ACTR3C: variants seen among roughly 807,000 people sequenced by gnomAD.
ACTR3C encodes the protein actin-related protein 3C.
In ACTR3C, 18 loss-of-function variants were observed where a neutral mutation model predicts 26.3. That is an observed-to-expected ratio of 0.68 (90% CI 0.47 to 1.01). The LOEUF (loss-of-function observed/expected upper bound fraction) is 1.01, where lower values mean the gene tolerates loss of function less well. Among genes scored for constraint, ACTR3C ranks in the 50% least tolerant of loss-of-function variants. The probability of loss-of-function intolerance (pLI) is 0.00; values close to 1 mark genes in which losing one functional copy is unlikely to be tolerated. For synonymous variants in ACTR3C, 55 were observed against 94.5 expected, an observed-to-expected ratio of 0.58 and a Z score of 2.42; for missense variants, 184 against 250.7, an observed-to-expected ratio of 0.73 and a Z score of 1.80.
chr7:150,298,142 C>T (rs1795095105), intron 1 of ACTR3C, among the ~76,000 whole-genome samples: 1 of 150,914 alleles, frequency 6.6e-6, no homozygotes, highest in Admixed American at 6.6e-5. Context: ...GAGGCAAGAA[C>T]ATGTGGCAAT....
chr7:150,152,688 TG>T, the ACTR3C span, among the ~76,000 whole-genome samples: 15 of 152,270 alleles, frequency 9.9e-5, no homozygotes, highest in Non-Finnish European at 2.2e-4. Flanking sequence ...CTTTTTCTGT[TG>T]ATTGGAATTG....
chr7:150,266,008 G>C (rs987087785), intron 6 of ACTR3C, among the ~76,000 whole-genome samples: 1 of 151,288 alleles, frequency 6.6e-6, no homozygotes, highest in Non-Finnish European at 1.5e-5. Context: ...TTAATCTGCT[G>C]TTCCTATTCC....
intron 6 of ACTR3C, among the ~76,000 whole-genome samples, chr7:150,276,117 C>T (rs545840530): frequency 5.3e-5 from 8 of 152,242 alleles, no homozygotes; most frequent in Admixed American, 2.6e-4. Context: ...CCATTATAAA[C>T]GCCACACGTA....
the ACTR3C span, among the ~76,000 whole-genome samples, chr7:150,219,101 A>G: frequency 1.3e-5 from 2 of 150,618 alleles, no homozygotes; most frequent in Non-Finnish European, 2.9e-5. Flanking sequence ...CATAACTCAA[A>G]CAAAACAAGA....
chr7:149,893,855 T>C, the ACTR3C span, among the ~76,000 whole-genome samples: 1 of 152,224 alleles, frequency 6.6e-6, no homozygotes, highest in African/African-American at 2.4e-5. Context: ...TGTGACTTAC[T>C]ACACAAAGTG....
chr7:150,094,472 C>T, the ACTR3C span, among the ~76,000 whole-genome samples: 1 of 150,384 alleles, frequency 6.6e-6, no homozygotes, highest in Non-Finnish European at 1.5e-5. Context: ...TATCTGTTCT[C>T]AACAATGCCA....
chr7:149,889,633 G>A, the ACTR3C span, among the ~76,000 whole-genome samples: 8 of 152,226 alleles, frequency 5.3e-5, no homozygotes, highest in African/African-American at 1.9e-4. Flanking sequence ...ACAAAAGGCT[G>A]GAGAGGATGG....
the ACTR3C span, among the ~76,000 whole-genome samples, chr7:150,012,359 G>A: frequency 2.8e-5 from 4 of 142,994 alleles, no homozygotes; most frequent in Admixed American, 7.2e-5. Flanking sequence ...CTGTCGCCCA[G>A]GCTGGAGTGC....
intron 5 of ACTR3C, 63 bp from the exon 6 acceptor site, chr7:150,284,908 A>G: frequency 1.4e-6 from 2 of 1,453,836 alleles, no homozygotes; most frequent in South Asian, 1.3e-5. Context: ...CAACATGAAC[A>G]CTCCTTTAAA....
At chr7:149,927,486 T>G in the ACTR3C span, among the ~76,000 whole-genome samples, 1 of 151,066 alleles carries the variant, frequency 6.6e-6, no homozygotes, top group Non-Finnish European at 1.5e-5. Context: ...CTCAGCACTT[T>G]GGGACGCCGA....
the ACTR3C span, among the ~76,000 whole-genome samples, chr7:150,022,806 T>C: frequency 3.9e-5 from 6 of 152,118 alleles, no homozygotes; most frequent in South Asian, 2.1e-4. Flanking sequence ...GTTTGGTCCA[T>C]TGATCTACTT....
At chr7:150,141,376 A>C in the ACTR3C span, among the ~76,000 whole-genome samples, 2 of 152,116 alleles carry the variant, frequency 1.3e-5, no homozygotes, top group African/African-American at 2.4e-5. Context: ...TGAGCAAGGG[A>C]GATTCAACCC....
At chr7:150,073,269 A>G in the ACTR3C span, among the ~76,000 whole-genome samples, 1 of 152,234 alleles carries the variant, frequency 6.6e-6, no homozygotes, top group Non-Finnish European at 1.5e-5. Flanking sequence ...CAGAAGACGG[A>G]CAAGTGCTTT....
the ACTR3C span, among the ~76,000 whole-genome samples, chr7:150,102,509 C>A: frequency 1.3e-5 from 2 of 151,974 alleles, no homozygotes; most frequent in African/African-American, 2.4e-5. Context: ...CCTAGAGATA[C>A]GTCTTTGTGA....
At chr7:150,123,945 AG>A in the ACTR3C span, among the ~76,000 whole-genome samples, 22 of 152,246 alleles carry the variant, frequency 1.4e-4, 1 homozygote, top group Middle Eastern at 3.4e-3. Context: ...GGTGTGAGGG[AG>A]GGGCCCAGTG....
chr7:150,083,765 T>G, the ACTR3C span, among the ~76,000 whole-genome samples: 1 of 152,220 alleles, frequency 6.6e-6, no homozygotes, highest in African/African-American at 2.4e-5. Context: ...CACCTACTTC[T>G]TGGAAACAAT....
chr7:150,259,687 A>AT (rs1370380239), intron 6 of ACTR3C, among the ~76,000 whole-genome samples: 1 of 152,122 alleles, frequency 6.6e-6, no homozygotes, highest in Non-Finnish European at 1.5e-5. Context: ...GAGAAATAAT[A>AT]TTTTTTATCC....
the ACTR3C span, among the ~76,000 whole-genome samples, chr7:149,901,619 TTAA>T: frequency 2.0e-5 from 3 of 151,954 alleles, no homozygotes; most frequent in Non-Finnish European, 2.9e-5. Flanking sequence ...AAGATTAAAC[TTAA>T]TAATAAAGAA....
chr7:150,037,831 CTG>C, the ACTR3C span, among the ~76,000 whole-genome samples: 16 of 78,912 alleles, frequency 2.0e-4, no homozygotes, highest in African/African-American at 5.5e-4. Context: ...CACTCAGTCC[CTG>C]CCTCGCGGAG....
Sources: gnomAD v4.1 joint callset for allele counts (sites outside exome capture counted in the v4.1 genomes callset) on GRCh38, gnomAD v4.1.1 for gene constraint, MANE v1.5 for transcripts, NCBI Gene and HGNC (gene_info 2026-07-23, HGNC 2026-07-21) for gene names.